The following ICAM5 variants were observed in gnomAD, a reference collection of about 807,000 sequenced individuals.
The protein encoded by ICAM5 is intercellular adhesion molecule 5, also known as ICAM-5.
Under a neutral mutation model 78.8 loss-of-function variants are expected in ICAM5, and 38 were observed. The ratio of observed to expected loss-of-function variants is 0.48; its 90% CI spans 0.37 to 0.63. The LOEUF is 0.63. ICAM5 is among the 30% of genes least tolerant of loss of function. The probability of loss-of-function intolerance (pLI) is 0.00; values close to 1 mark genes in which losing one functional copy is unlikely to be tolerated. For missense variants in ICAM5, 1,059 were observed against 1,303.0 expected, an observed-to-expected ratio of 0.81 and a Z score of 2.88; for synonymous variants, 544 against 590.9, an observed-to-expected ratio of 0.92 and a Z score of 1.15.
chr19:10,293,975 T>C lies in ICAM5; in HGVS notation c.1711+32T>C. ...AGGGGCACCGCGGAGTTAGGCAGGATCTGTGGGACAACCCCGGCTGGACTT... is the reference window on the plus strand; with the variant it reads ...AGGGGCACCGCGGAGTTAGGCAGGACCTGTGGGACAACCCCGGCTGGACTT... On this transcript the variant is annotated intron_variant, in intron 7 of 10. Coordinates refer to ENST00000221980, the MANE Select transcript of ICAM5 (RefSeq NM_003259.4). The surrounding 1 kb of genome is among the most constrained non-coding windows in gnomAD (Gnocchi z 5.0). 1 of 1,604,500 alleles carries C rather than the reference T, an allele frequency of 6.2e-7. No homozygotes were observed. Among genetic ancestry groups the C allele is most frequent in the African/African-American group, 1.3e-5 (1 of 74,826 alleles).
At position 10,291,053 on chromosome 19, in the gene ICAM5, C is replaced by G. The variant is rs773785177; in HGVS notation, c.83-19C>G. 30 of 1,595,134 alleles carry G rather than the reference C, an allele frequency of 1.9e-5. No individual in the cohort carries two copies. Among genetic ancestry groups the G allele is most frequent in the Non-Finnish European group, 2.6e-5 (30 of 1,170,056 alleles). On this transcript the variant is annotated intron_variant, in intron 1 of 10. Coordinates refer to ENST00000221980, the MANE Select transcript of ICAM5 (RefSeq NM_003259.4). ...CAGGGAGTTGGCTCCCCAGGCTCAG[C>G]CCGCGTTTCCCTGGGCAGCGGTCTC...
rs2040175521 is a variant in ICAM5 at position 10,291,801 on chromosome 19, G to A, written c.665G>A (p.Arg222Gln). 1.2e-6 allele frequency: 2 copies of A among 1,609,666 alleles called. No homozygotes were observed. The highest frequency in any genetic ancestry group is 1.7e-6 in the Non-Finnish European group (2 of 1,178,664). ...AACAGCTCGGCCCCCAGAGAGCTCC[G>A]AACCTTCTGTGAGTGGGTGTGGGGA... Reference protein sequence around the residue: ...FENSSAPRELRTFSLSPDAPR... With the variant: ...FENSSAPRELQTFSLSPDAPR... The change falls in exon 3 of 11, where the codon CGA (arginine) becomes CAA (glutamine). Residue 222 changes from arginine to glutamine, a missense_variant. This residue lies in a region of ICAM5 where 815 missense variants were observed against 952.8 expected (regional missense o/e 0.86). Coordinates refer to ENST00000221980, the MANE Select transcript of ICAM5 (RefSeq NM_003259.4).
At position 10,294,444 on chromosome 19, in the gene ICAM5, G is replaced by T. The variant is rs761096972; in HGVS notation, c.2034G>T (p.Thr678=). The change falls in exon 9 of 11, where the codon ACG becomes ACT. Residue 678 remains threonine, a synonymous_variant. Transcript: ENST00000221980. The surrounding 1 kb of genome is among the most constrained non-coding windows in gnomAD (Gnocchi z 7.7). ...AATCTACCTGCCCAAGTCACCAGACGTGGCTGGAAGGGGCTGAGGCTTCCG... is the reference window on the plus strand; with the variant it reads ...AATCTACCTGCCCAAGTCACCAGACTTGGCTGGAAGGGGCTGAGGCTTCCG... ...MDESTCPSHQ[T]WLEGAEASAL... 6.2e-7 allele frequency: 1 copy of T among 1,611,062 alleles called. No homozygotes were observed. Among genetic ancestry groups the T allele is most frequent in the Non-Finnish European group, 8.5e-7 (1 of 1,179,056 alleles).
At chr19:10,295,251 CGGT>C in intron 9 of ICAM5, 92 bp from the exon 10 acceptor site, 1 of 1,344,584 alleles carries the variant, frequency 7.4e-7, no homozygotes, top group East Asian at 2.7e-5. Context: ...ATCAGAGGCG[CGGT>C]GGTCTCCCAT....
chr19:10,290,248 G>C lies in ICAM5; in HGVS notation c.82+123G>C, dbSNP rs1041993349. 4 of 677,062 alleles carry C rather than the reference G, an allele frequency of 5.9e-6. No individual in the cohort carries two copies. The highest frequency in any genetic ancestry group is 3.3e-5 in the East Asian group (1 of 30,726). 41.9% of individuals were successfully genotyped at this position (677,062 alleles called of 1,614,324 possible). On this transcript the variant is annotated intron_variant, in intron 1 of 10. Transcript: ENST00000221980. The surrounding 1 kb of genome is among the most constrained non-coding windows in gnomAD (Gnocchi z 5.7). The stretch of plus-strand genomic sequence containing the variant: ...GCTCCCACGCCTCTGCCCCCACCTC[G>C]AGCCTGAGTCTTCTCCCCTTCCCCC...
chr19:10,293,701 C>A lies in ICAM5; in HGVS notation c.1469C>A (p.Ala490Glu). The A allele has an allele frequency of 2.5e-6, 4 of 1,613,232 alleles. No individual in the cohort carries two copies. Among genetic ancestry groups the A allele is most frequent in the Non-Finnish European group, 3.4e-6 (4 of 1,179,564 alleles). The change falls in exon 7 of 11, where the codon GCA becomes GAA. Residue 490 changes from alanine to glutamate, a missense_variant. This residue lies in a region of ICAM5 where 815 missense variants were observed against 952.8 expected (regional missense o/e 0.86). Coordinates refer to ENST00000221980, the MANE Select transcript of ICAM5 (RefSeq NM_003259.4). The surrounding 1 kb of genome is among the most constrained non-coding windows in gnomAD (Gnocchi z 5.0). ...VKDVTLTVEY[A>E]PALDSVGCPE... is the part of the protein sequence containing the mutation. ...AACAATACACTCCCTCCTCCAGACG[C>A]ACCAGCGCTGGACAGCGTGGGCTGC...
chr19:10,291,468 GCGGA>G lies in ICAM5; in HGVS notation c.353-19_353-16del. On this transcript the variant is annotated splice_polypyrimidine_tract_variant and intron_variant, in intron 2 of 10. Coordinates refer to ENST00000221980, the MANE Select transcript of ICAM5 (RefSeq NM_003259.4). The stretch of plus-strand genomic sequence containing the variant: ...TCCAAGTCCCGGTGTTCAAAGAGCT[GCGGA>G]CTCTTCCCCCTTGCAGAGCGACCAG... 6.2e-7 allele frequency: 1 copy of G among 1,611,616 alleles called. No homozygotes were observed. Among genetic ancestry groups the G allele is most frequent in the South Asian group, 1.1e-5 (1 of 91,072 alleles).
chr19:10,291,890 G>A, intron 3 of ICAM5, 81 bp downstream of exon 3: 3 of 1,510,882 alleles, frequency 2.0e-6, no homozygotes, highest in Admixed American at 3.8e-5. Flanking sequence ...ACATCTGAAT[G>A]CTGACCCCGA....
rs1443555620 is a variant in ICAM5 at position 10,294,104 on chromosome 19, C to T, written c.1776C>T (p.Arg592=). ...GGACATGGGTGGAAGGATCTGGGCG[C>T]CTGTTTTCCTGTGAGGTCGATGGGA... ...SNWTWVEGSG[R]LFSCEVDGKP... is the part of the protein sequence containing the mutation. The change falls in exon 8 of 11, where the codon CGC becomes CGT. Residue 592 remains arginine (R), a synonymous_variant. Coordinates refer to ENST00000221980, the MANE Select transcript of ICAM5 (RefSeq NM_003259.4). The surrounding 1 kb of genome is among the most constrained non-coding windows in gnomAD (Gnocchi z 7.7). 9 of 1,598,804 alleles carry T rather than the reference C, an allele frequency of 5.6e-6. No homozygotes were observed. The highest frequency in any genetic ancestry group is 7.7e-6 in the Non-Finnish European group (9 of 1,173,400).
intron 3 of ICAM5, 53 bp downstream of exon 3, chr19:10,291,862 G>A (rs2040176016): frequency 1.3e-6 from 2 of 1,572,844 alleles, no homozygotes; most frequent in East Asian, 4.5e-5. Context: ...TCGGTGTTTA[G>A]GAGGTTTAGA....
At chr19:10,291,430 C>A in intron 2 of ICAM5, 59 bp from the exon 3 acceptor site, 1 of 1,607,560 alleles carries the variant, frequency 6.2e-7, no homozygotes, top group South Asian at 1.1e-5. Flanking sequence ...CCCCTTCAGG[C>A]CCCACCTTCT....
Position 10,294,250 on chromosome 19 carries a change from G to T in ICAM5, c.1922G>T (p.Gly641Val). 1 of 1,613,932 alleles carries T rather than the reference G, an allele frequency of 6.2e-7. No homozygotes were observed. Residue 641 changes from glycine to valine, a missense_variant, in exon 8 of 11, where the codon GGT (glycine) becomes GTT (valine). Transcript: ENST00000221980. This position sits in a 1 kb window ranked among gnomAD's most constrained non-coding sequence, Gnocchi z 7.7. ...AGAATCCCTAGAGTCCTGGCACCCGGTATCTACGTCTGCAACGCCACCAAC... is the reference window on the plus strand; with the variant it reads ...AGAATCCCTAGAGTCCTGGCACCCGTTATCTACGTCTGCAACGCCACCAAC... ...APRIPRVLAP[G>V]IYVCNATNRH... is the part of the protein sequence containing the mutation.
Position 10,291,742 on chromosome 19 carries a change from G to A in ICAM5, c.606G>A (p.Leu202=). 3 of 1,612,902 alleles carry A rather than the reference G, an allele frequency of 1.9e-6. No homozygotes were observed. Among genetic ancestry groups the A allele is most frequent in the Non-Finnish European group, 2.5e-6 (3 of 1,180,010 alleles). Residue 202 remains leucine, a synonymous_variant, in exon 3 of 11, where the codon CTG becomes CTA. Transcript: ENST00000221980. ...HGANFSCRAE[L]DLRPHGLGLF... ...CCAATTTCTCGTGTCGCGCCGAGCT[G>A]GACCTGCGGCCGCACGGACTGGGAC...
chr19:10,292,888 GC>G (rs760316037), intron 5 of ICAM5, 22 bp downstream of exon 5: 3 of 1,606,740 alleles, frequency 1.9e-6, no homozygotes, highest in Non-Finnish European at 2.6e-6. Context: ...ATAACCCCTC[GC>G]CCCCCACCTT....
rs372844196 is a variant in ICAM5, at chr19:10,291,256, C to A, written c.267C>A (p.Asp89Glu). 4 of 1,612,454 alleles carry A rather than the reference C, an allele frequency of 2.5e-6. No individual in the cohort carries two copies. Among genetic ancestry groups the A allele is most frequent in the Non-Finnish European group, 3.4e-6 (4 of 1,179,920 alleles). ...GTTGGTTGGCGCGGCAGCTGGTGGA[C>A]ATTCGCGAGCCGGAGACTCAGCCCG... ...GLRWLARQLVDIREPETQPVC... is the reference protein window; with the variant it reads ...GLRWLARQLVEIREPETQPVC... The change falls in exon 2 of 11, where the codon GAC becomes GAA. Residue 89 changes from aspartate (D) to glutamate (E), a missense_variant. Physicochemically the swap from Asp to Glu is conservative, Grantham distance 45. Transcript: ENST00000221980.
Position 10,295,628 on chromosome 19 carries a change from GGA to G in ICAM5, c.2497+20_2497+21del, listed in dbSNP as rs1263579676. ...CGCGTGGCCGGTAAGTGGCAGCTGGGGAGAGGCGGGGCGAGGTATCTGAGAGG... is the reference window on the plus strand; with the variant it reads ...CGCGTGGCCGGTAAGTGGCAGCTGGGGAGGCGGGGCGAGGTATCTGAGAGG... On this transcript the variant is annotated intron_variant, in intron 10 of 10. Coordinates refer to ENST00000221980, the MANE Select transcript of ICAM5 (RefSeq NM_003259.4). 15 of 1,534,042 alleles carry G rather than the reference GGA, an allele frequency of 9.8e-6. No homozygotes were observed. The highest frequency in any genetic ancestry group is 1.3e-5 in the Non-Finnish European group (15 of 1,143,226).
chr19:10,293,674 C>T lies in ICAM5; in HGVS notation c.1466-24C>T, dbSNP rs373149643. ...TCAGATTTGCCCCCAAACCCCAAAG[C>T]CAACAATACACTCCCTCCTCCAGAC... On this transcript the variant is annotated intron_variant, in intron 6 of 10. Transcript: ENST00000221980. The surrounding 1 kb of genome is among the most constrained non-coding windows in gnomAD (Gnocchi z 5.0). The T allele has an allele frequency of 2.2e-4, 356 of 1,605,264 alleles. No homozygotes were observed. Among genetic ancestry groups the T allele is most frequent in the Non-Finnish European group, 3.0e-4 (351 of 1,173,974 alleles).
intron 9 of ICAM5, 109 bp from the exon 10 acceptor site, chr19:10,295,237 G>C (rs1046907759): frequency 6.6e-5 from 82 of 1,251,310 alleles, no homozygotes; most frequent in Non-Finnish European, 8.6e-5. Flanking sequence ...ATCCTCTTCT[G>C]CCCATCAGAG....
intron 2 of ICAM5, 35 bp from the exon 3 acceptor site, chr19:10,291,454 G>A (rs747242567): frequency 1.2e-6 from 2 of 1,610,510 alleles, no homozygotes; most frequent in Non-Finnish European, 1.7e-6. Flanking sequence ...CCAAGTCCCG[G>A]TGTTCAAAGA....
Sources: allele counts gnomAD v4.1 joint callset, GRCh38; gene constraint gnomAD v4.1.1; regional missense constraint gnomAD v4.1.1; non-coding constraint Gnocchi (gnomAD v3.1); transcripts MANE v1.5; gene names NCBI Gene and HGNC (gene_info 2026-07-23, HGNC 2026-07-21).